DMXL1: variants seen among roughly 807,000 people sequenced by gnomAD.
DMXL1 encodes the protein Dmx like 1, also known as dmX-like protein 1.
DMXL1 carries 99 observed loss-of-function variants against 319.2 expected under a neutral mutation model. The ratio of observed to expected loss-of-function variants is 0.31; its 90% CI spans 0.26 to 0.37. DMXL1 has a LOEUF of 0.37. DMXL1 is among the 10% of genes least tolerant of loss of function. DMXL1 has a pLI of 1.00. For synonymous variants in DMXL1, 1,385 were observed against 1,235.2 expected, an observed-to-expected ratio of 1.12 and a Z score of -2.54; for missense variants, 3,745 against 3,595.6, an observed-to-expected ratio of 1.04 and a Z score of -1.06.
intron 19 of DMXL1, among the ~76,000 whole-genome samples, chr5:119,154,926 A>T (rs1770666893): frequency 6.6e-6 from 1 of 152,196 alleles, no homozygotes; most frequent in African/African-American, 2.4e-5. Context: ...AAAATCCTAG[A>T]GTGTTTAAGA....
rs764854971 is a variant in DMXL1, at chr5:119,129,354, A to G, written c.1246A>G (p.Ser416Gly). Residue 416 changes from serine to glycine, a missense_variant, in exon 10 of 44, where the codon AGT becomes GGT. By Grantham distance (56) the Ser-to-Gly change is moderately conservative. This residue lies in a region of DMXL1 where 2,096 missense variants were observed against 1,985.4 expected (regional missense o/e 1.06). Coordinates refer to ENST00000539542, the MANE Select transcript of DMXL1 (RefSeq NM_001290321.3). The part of the protein sequence containing the change: ...MEVFLQQLRK[S>G]FEQPSSEASV... ...AGTTTTTTTACAGCAACTTAGAAAA[A>G]GTTTTGAACAACCATCTTCTGAGGC... is the stretch of plus-strand genomic sequence containing the variant. 2 of 1,613,914 alleles carry G rather than the reference A, an allele frequency of 1.2e-6. No homozygotes were observed. Among genetic ancestry groups the G allele is most frequent in the South Asian group, 1.1e-5 (1 of 91,074 alleles).
chr5:119,159,960 A>G (rs575631287), intron 19 of DMXL1, among the ~76,000 whole-genome samples: 81 of 152,226 alleles, frequency 5.3e-4, no homozygotes, highest in Non-Finnish European at 1.1e-3. Flanking sequence ...GTTGTCAATT[A>G]TATTTATCTT....
chr5:119,184,678 A>G (rs1350592264), intron 28 of DMXL1, among the ~76,000 whole-genome samples: 1 of 152,106 alleles, frequency 6.6e-6, no homozygotes, highest in Non-Finnish European at 1.5e-5. Flanking sequence ...TCACTATTCT[A>G]CTCTGTTTCC....
At position 119,203,352 on chromosome 5, in the gene DMXL1, G is replaced by T. The variant is rs1249442434; in HGVS notation, c.7779G>T (p.Arg2593Ser). 1 of 1,605,994 alleles carries T rather than the reference G, an allele frequency of 6.2e-7. No homozygotes were observed. The highest frequency in any genetic ancestry group is 8.5e-7 in the Non-Finnish European group (1 of 1,176,916). Residue 2593 changes from arginine to serine, a missense_variant, in exon 33 of 44, where the codon AGG becomes AGT. Arg to Ser is a moderately radical substitution (Grantham distance 110). Coordinates refer to ENST00000539542, the MANE Select transcript of DMXL1 (RefSeq NM_001290321.3). ...ACCATCTGGCACTGTCTGTGAAGAG[G>T]CTTTGGCAGTATTTGGTGAAGCAGG... ...SKHHLALSVK[R>S]LWQYLVKQEE...
In DMXL1 at chr5:119,170,566, A is replaced by G. The variant is rs756066613; in HGVS notation, c.5775A>G (p.Ser1925=). Residue 1925 remains serine (S), a synonymous_variant, in exon 24 of 44, where the codon TCA becomes TCG. Coordinates refer to ENST00000539542, the MANE Select transcript of DMXL1 (RefSeq NM_001290321.3). ...ATAAGTCTTCTGCTGTTGATTGGTC[A>G]CAGTCACTGATAAATGGTTTTGGAT... ...REDKSSAVDW[S]QSLINGFGSS... 24 of 1,613,922 alleles carry G rather than the reference A, an allele frequency of 1.5e-5. No individual in the cohort carries two copies. In the East Asian group the frequency reaches 5.4e-4, roughly 36 times the overall value.
rs2150527859 is a variant in DMXL1 at position 119,212,851 on chromosome 5, T to A, written c.7927-4050T>A. Among the ~76,000 whole-genome samples the A allele has an allele frequency of 2.0e-5, 3 of 152,328 alleles. 1 individual carries two copies. In the South Asian group the frequency reaches 6.2e-4, roughly 32 times the overall value. On this transcript the variant is annotated intron_variant, in intron 34 of 43. Coordinates refer to ENST00000539542, the MANE Select transcript of DMXL1 (RefSeq NM_001290321.3). ...CTGTCTCTATTTTTAGCTGACTGTA[T>A]CATGTTCCTAGTTCCTTCCCTTCCC...
intron 9 of DMXL1, among the ~76,000 whole-genome samples, chr5:119,125,854 G>A (rs965977390): frequency 2.0e-5 from 3 of 152,090 alleles, no homozygotes; most frequent in East Asian, 1.9e-4. Flanking sequence ...GTGAGCCACC[G>A]CGCCTGGCCA....
intron 22 of DMXL1, among the ~76,000 whole-genome samples, chr5:119,167,079 T>G (rs1303227100): frequency 1.3e-5 from 2 of 152,134 alleles, no homozygotes; most frequent in Non-Finnish European, 2.9e-5. Flanking sequence ...TTAAACATAT[T>G]TGAACCCCAT....
chr5:119,127,863 T>C, intron 9 of DMXL1: 2 of 337,462 alleles, frequency 5.9e-6, no homozygotes, highest in Non-Finnish European at 1.2e-5. Context: ...TTCTCTGGTA[T>C]CAGCATGTCT....
rs1349862422 is a variant in DMXL1, at chr5:119,189,755, C to A, written c.7183C>A (p.Pro2395Thr). ...EGEKQNKRFR[P>T]SKMSCRESAP... is the part of the protein sequence containing the mutation. ...AGAAAAACAGAACAAACGTTTTAGGCCGTCAAAAATGTCTTGCAGAGAATC... is the reference window on the plus strand; with the variant it reads ...AGAAAAACAGAACAAACGTTTTAGGACGTCAAAAATGTCTTGCAGAGAATC... The change falls in exon 29 of 44, where the codon CCG becomes ACG. Residue 2395 changes from proline to threonine, a missense_variant. Coordinates refer to ENST00000539542, the MANE Select transcript of DMXL1 (RefSeq NM_001290321.3). The A allele has an allele frequency of 1.9e-6, 3 of 1,613,952 alleles. No individual in the cohort carries two copies. Among genetic ancestry groups the A allele is most frequent in the Non-Finnish European group, 2.5e-6 (3 of 1,179,980 alleles).
At chr5:119,108,521 T>A (rs1758851901) in intron 4 of DMXL1, among the ~76,000 whole-genome samples, 1 of 152,176 alleles carries the variant, frequency 6.6e-6, no homozygotes, top group African/African-American at 2.4e-5. Context: ...CTCCCCAGGC[T>A]TGAGTGATCC....
intron 42 of DMXL1, among the ~76,000 whole-genome samples, 193 bp downstream of exon 42, chr5:119,240,664 G>T (rs1018079879): frequency 6.6e-6 from 1 of 152,100 alleles, no homozygotes; most frequent in Non-Finnish European, 1.5e-5. Flanking sequence ...CTTGATGGGG[G>T]ACAGTGAGAC....
chr5:119,220,541 G>A lies in DMXL1; in HGVS notation c.8083G>A (p.Ala2695Thr). 2 of 1,613,726 alleles carry A rather than the reference G, an allele frequency of 1.2e-6. No individual in the cohort carries two copies. The highest frequency in any genetic ancestry group is 1.7e-6 in the Non-Finnish European group (2 of 1,179,808). Residue 2695 changes from alanine to threonine, a missense_variant, in exon 36 of 44, where the codon GCC (alanine) becomes ACC (threonine). Ala to Thr is a moderately conservative substitution (Grantham distance 58). Coordinates refer to ENST00000539542, the MANE Select transcript of DMXL1 (RefSeq NM_001290321.3). The stretch of plus-strand genomic sequence containing the variant: ...AGAACTGGATGTTTCTGGAATTCTG[G>A]CCACACAGGTCTACACTTGGGTAGA... ...VQELDVSGIL[A>T]TQVYTWVDDD...
At position 119,148,721 on chromosome 5, in the gene DMXL1, G is replaced by T. The variant is rs912981846; in HGVS notation, c.2912-18G>T. On this transcript the variant is annotated intron_variant, in intron 17 of 43. Coordinates refer to ENST00000539542, the MANE Select transcript of DMXL1 (RefSeq NM_001290321.3). ...TAACCAAATTTGACATTTTGTTAAC[G>T]GATTATTTTTATTTTAGGACATCTG... The T allele has an allele frequency of 1.9e-6, 3 of 1,586,330 alleles. No individual in the cohort carries two copies. Among genetic ancestry groups the T allele is most frequent in the South Asian group, 1.2e-5 (1 of 86,752 alleles).
At chr5:119,160,031 A>G (rs965398975) in intron 19 of DMXL1, among the ~76,000 whole-genome samples, 1 of 151,736 alleles carries the variant, frequency 6.6e-6, no homozygotes, top group Non-Finnish European at 1.5e-5. Context: ...TTTATACTTT[A>G]TTTATTTCTC....
Position 119,071,607 on chromosome 5 carries a change from C to G in DMXL1, c.38C>G (p.Pro13Arg), listed in dbSNP as rs141525101. The change falls in exon 1 of 44, where the codon CCT becomes CGT. Residue 13 changes from proline to arginine, a missense_variant. Physicochemically the swap from Pro to Arg is moderately radical, Grantham distance 103. This residue lies in a region of DMXL1 where 2,096 missense variants were observed against 1,985.4 expected (regional missense o/e 1.06). Transcript: ENST00000539542. ...CAGGTGCTGACCGGGGCTGTGAACC[C>G]TGGCGACCACTGCTTCTCCGTGGGC... is the stretch of plus-strand genomic sequence containing the variant. ...LHQVLTGAVN[P>R]GDHCFSVGSI... The G allele has an allele frequency of 2.2e-5, 35 of 1,604,830 alleles. No homozygotes were observed. In the African/African-American group the frequency reaches 4.6e-4, roughly 21 times the overall value.
chr5:119,171,117 T>C lies in DMXL1; in HGVS notation c.6326T>C (p.Val2109Ala). The C allele has an allele frequency of 6.2e-7, 1 of 1,613,850 alleles. No homozygotes were observed. Among genetic ancestry groups the C allele is most frequent in the Non-Finnish European group, 8.5e-7 (1 of 1,179,858 alleles). The change falls in exon 24 of 44, where the codon GTG becomes GCG. Residue 2109 changes from valine to alanine, a missense_variant. This residue lies in a region of DMXL1 where 1,382 missense variants were observed against 1,269.5 expected (regional missense o/e 1.09). Coordinates refer to ENST00000539542, the MANE Select transcript of DMXL1 (RefSeq NM_001290321.3). ...GAAGATTTGCCTCACCAAACAAAAG[T>C]GAAACAACTGAGAGAAAATTTTCAG... Reference protein sequence around the residue: ...DAEDLPHQTKVKQLRENFQEK... With the variant: ...DAEDLPHQTKAKQLRENFQEK...
At chr5:119,161,111 A>G (rs994830503) in intron 19 of DMXL1, among the ~76,000 whole-genome samples, 1 of 152,180 alleles carries the variant, frequency 6.6e-6, no homozygotes, top group East Asian at 1.9e-4. Context: ...GAGCTTCACT[A>G]TTAAACCTAG....
chr5:119,089,687 G>T (rs559342170), intron 1 of DMXL1, among the ~76,000 whole-genome samples: 2 of 146,070 alleles, frequency 1.4e-5, no homozygotes, highest in South Asian at 2.2e-4. Flanking sequence ...GTGCAATGGC[G>T]CAATCTTGTC....
Sources: gnomAD v4.1 joint callset for allele counts (sites outside exome capture counted in the v4.1 genomes callset) on GRCh38, gnomAD v4.1.1 for gene constraint, gnomAD v4.1.1 regional missense constraint, MANE v1.5 for transcripts, NCBI Gene and HGNC (gene_info 2026-07-23, HGNC 2026-07-21) for gene names.